The following ARHGAP15 variants were observed in gnomAD, a reference collection of about 807,000 sequenced individuals.
ARHGAP15 encodes the protein rho GTPase-activating protein 15.
Under a neutral mutation model 63.7 loss-of-function variants are expected in ARHGAP15, and 51 were observed. The observed-to-expected ratio is 0.80, with a 90% CI of 0.64 to 1.01. The LOEUF (loss-of-function observed/expected upper bound fraction) is 1.01. ARHGAP15 is among the 50% of genes least tolerant of loss of function. The pLI is 0.00. For synonymous variants in ARHGAP15, 191 were observed against 193.8 expected, an observed-to-expected ratio of 0.99 and a Z score of 0.12; for missense variants, 560 against 564.6, an observed-to-expected ratio of 0.99 and a Z score of 0.08.
intron 11 of ARHGAP15, among the ~76,000 whole-genome samples, chr2:143,559,464 C>G (rs1695938168): frequency 1.3e-5 from 2 of 152,168 alleles, no homozygotes; most frequent in South Asian, 4.1e-4. Context: ...TGTCAGAATG[C>G]AACATACTCA....
chr2:143,235,965 C>G, intron 5 of ARHGAP15: 1 of 1,546,004 alleles, frequency 6.5e-7, no homozygotes, highest in Non-Finnish European at 8.7e-7. Context: ...TTGATGTGTT[C>G]AGGAGGCACC....
chr2:143,205,632 G>A (rs917838679), intron 3 of ARHGAP15, among the ~76,000 whole-genome samples: 1 of 152,006 alleles, frequency 6.6e-6, no homozygotes, highest in African/African-American at 2.4e-5. Flanking sequence ...ATTTGTTCTA[G>A]GATGTCATCT....
At chr2:143,660,465 A>G (rs56198134) in intron 12 of ARHGAP15, among the ~76,000 whole-genome samples, 6,117 of 152,366 alleles carry the variant, frequency 0.04, 166 homozygotes, top group Middle Eastern at 0.072. Flanking sequence ...TAGTGGTTTA[A>G]CCTGTCTAAG....
chr2:143,716,868 C>A (rs1684833936), intron 13 of ARHGAP15, among the ~76,000 whole-genome samples: 1 of 152,184 alleles, frequency 6.6e-6, no homozygotes, highest in African/African-American at 2.4e-5. Flanking sequence ...TAATCCCAGC[C>A]CTTTAAATAA....
chr2:143,141,736 T>G (rs1054313254), intron 1 of ARHGAP15, among the ~76,000 whole-genome samples: 2 of 152,294 alleles, frequency 1.3e-5, no homozygotes, highest in African/African-American at 4.8e-5. Flanking sequence ...CTCCTGGTTC[T>G]GCTCTTCATT....
rs533390801 is a variant in ARHGAP15, at chr2:143,767,973, T to C, written c.1245-16T>C. The C allele has an allele frequency of 1.2e-4, 193 of 1,601,368 alleles. No individual in the cohort carries two copies. The highest frequency in any genetic ancestry group is 5.8e-4 in the East Asian group (26 of 44,758). On this transcript the variant is annotated splice_polypyrimidine_tract_variant and intron_variant, in intron 13 of 13. Coordinates refer to ENST00000295095, the MANE Select transcript of ARHGAP15 (RefSeq NM_018460.4). Reference sequence around the variant, plus strand: ...CAAACTCCAGTGAAATTATTTTTTTTTCTCTCTCTCCACAGGATAGTGGCC... The same window carrying C: ...CAAACTCCAGTGAAATTATTTTTTTCTCTCTCTCTCCACAGGATAGTGGCC...
intron 6 of ARHGAP15, among the ~76,000 whole-genome samples, chr2:143,425,042 T>C (rs901389108): frequency 1.3e-5 from 2 of 152,164 alleles, no homozygotes; most frequent in Non-Finnish European, 2.9e-5. Flanking sequence ...ATTATCATAG[T>C]TTCAACAATA....
chr2:143,747,067 C>G (rs150701903), intron 13 of ARHGAP15, among the ~76,000 whole-genome samples: 1 of 152,062 alleles, frequency 6.6e-6, no homozygotes, highest in Non-Finnish European at 1.5e-5. Flanking sequence ...AGAATCACCA[C>G]TGGGGCCTGT....
At chr2:143,690,167 C>A (rs886262907) in intron 12 of ARHGAP15, among the ~76,000 whole-genome samples, 1 of 152,192 alleles carries the variant, frequency 6.6e-6, no homozygotes, top group Non-Finnish European at 1.5e-5. Flanking sequence ...AGCTCATGCA[C>A]CACTGGCACT....
At chr2:143,260,092 C>T (rs572760712) in intron 6 of ARHGAP15, among the ~76,000 whole-genome samples, 3 of 152,120 alleles carry the variant, frequency 2.0e-5, no homozygotes, top group East Asian at 1.9e-4. Flanking sequence ...AATTTCTTCC[C>T]ATTTATTCAA....
At chr2:143,131,960 A>G (rs900135323) in intron 1 of ARHGAP15, among the ~76,000 whole-genome samples, 4 of 152,150 alleles carry the variant, frequency 2.6e-5, no homozygotes, top group Non-Finnish European at 5.9e-5. Flanking sequence ...TTTCTTTAAG[A>G]TAGTCCTGAA....
At chr2:143,209,843 A>G (rs953378777) in intron 3 of ARHGAP15, among the ~76,000 whole-genome samples, 3 of 152,178 alleles carry the variant, frequency 2.0e-5, no homozygotes, top group African/African-American at 7.2e-5. Context: ...CCAGATTGCA[A>G]AGGGCCTTGA....
chr2:143,191,989 C>T (rs542249695), intron 2 of ARHGAP15, among the ~76,000 whole-genome samples: 1 of 152,294 alleles, frequency 6.6e-6, no homozygotes, highest in Admixed American at 6.5e-5. Flanking sequence ...AACAGCTTGC[C>T]AGAAACATTT....
At chr2:143,272,738 C>T (rs1221114405) in intron 6 of ARHGAP15, among the ~76,000 whole-genome samples, 1 of 152,202 alleles carries the variant, frequency 6.6e-6, no homozygotes, top group Admixed American at 6.5e-5. Context: ...TATGTTCTCT[C>T]TCTTTGAGAG....
chr2:143,629,269 CA>C (rs1431007649), intron 12 of ARHGAP15, among the ~76,000 whole-genome samples: 1 of 151,538 alleles, frequency 6.6e-6, no homozygotes, highest in African/African-American at 2.4e-5. Context: ...ATTGGGGTAA[CA>C]AAAACACTAG....
At chr2:143,563,456 C>G (rs1009423958) in intron 11 of ARHGAP15, among the ~76,000 whole-genome samples, 1 of 152,162 alleles carries the variant, frequency 6.6e-6, no homozygotes, top group Admixed American at 6.5e-5. Context: ...CATAGGCCTT[C>G]TGAATTCTTG....
chr2:143,578,617 T>C (rs1696769743), intron 11 of ARHGAP15, among the ~76,000 whole-genome samples: 1 of 152,178 alleles, frequency 6.6e-6, no homozygotes, highest in Non-Finnish European at 1.5e-5. Context: ...TTTTTAGTGG[T>C]ATCCCTGTGC....
intron 13 of ARHGAP15, among the ~76,000 whole-genome samples, chr2:143,723,126 T>C (rs921866196): frequency 3.3e-5 from 5 of 152,248 alleles, no homozygotes; most frequent in Non-Finnish European, 7.3e-5. Flanking sequence ...AGTAACATGC[T>C]GTGCAGGTTT....
intron 6 of ARHGAP15, among the ~76,000 whole-genome samples, chr2:143,313,542 T>A (rs1683543902): frequency 6.6e-6 from 1 of 152,032 alleles, no homozygotes; most frequent in Admixed American, 6.6e-5. Flanking sequence ...ATAAAAACCA[T>A]GCTACGGGAA....
Sources: gnomAD v4.1 joint callset for allele counts (sites outside exome capture counted in the v4.1 genomes callset) on GRCh38, gnomAD v4.1.1 for gene constraint, MANE v1.5 for transcripts, NCBI Gene and HGNC (gene_info 2026-07-23, HGNC 2026-07-21) for gene names.